Variants in TENM4 observed in about 807,000 individuals in gnomAD.
TENM4 encodes teneurin-4.
Under a neutral mutation model 243.3 loss-of-function variants are expected in TENM4, and 82 were observed. The ratio of observed to expected loss-of-function variants is 0.34; its 90% CI spans 0.28 to 0.40. The LOEUF is 0.40. Among genes scored for constraint, TENM4 ranks in the 10% least tolerant of loss-of-function variants. The pLI, the probability that TENM4 is intolerant of heterozygous loss-of-function variation, is 1.00. For synonymous variants in TENM4, 1,412 were observed against 1,456.3 expected (o/e 0.97, Z 0.69); for missense variants, 3,138 against 3,673.3 (o/e 0.85, Z 3.77).
At chr11:79,164,957 A>G (rs112788787) in intron 3 of TENM4, among the ~76,000 whole-genome samples, 43 of 139,930 alleles carry the variant, frequency 3.1e-4, no homozygotes, top group Middle Eastern at 3.6e-3. Context: ...CTATATATAT[A>G]TGTGTGTGTG....
At chr11:78,873,491 G>A (rs1859190124) in intron 9 of TENM4, among the ~76,000 whole-genome samples, 2 of 152,116 alleles carry the variant, frequency 1.3e-5, no homozygotes, top group Admixed American at 1.3e-4. Context: ...CTTGTCCCAC[G>A]TTACCTTCTA....
chr11:79,398,220 A>G (rs776891190), intron 1 of TENM4, among the ~76,000 whole-genome samples: 2 of 151,672 alleles, frequency 1.3e-5, no homozygotes, highest in Non-Finnish European at 2.9e-5. Context: ...CCTTTAATCT[A>G]GGACAACCCC....
chr11:78,892,534 T>C (rs930995962), intron 7 of TENM4, among the ~76,000 whole-genome samples: 1 of 152,206 alleles, frequency 6.6e-6, no homozygotes, highest in African/African-American at 2.4e-5. Context: ...ATGTTCTTCA[T>C]GTAAAAAGGG....
intron 3 of TENM4, among the ~76,000 whole-genome samples, chr11:79,185,081 T>C (rs1028472285): frequency 1.3e-5 from 2 of 152,128 alleles, no homozygotes; most frequent in Non-Finnish European, 2.9e-5. Context: ...GAGGATCGCT[T>C]GAGCCCAGGA....
At chr11:79,317,117 C>G (rs746948618) in intron 1 of TENM4, among the ~76,000 whole-genome samples, 1 of 152,216 alleles carries the variant, frequency 6.6e-6, no homozygotes, top group Non-Finnish European at 1.5e-5. Context: ...TCCAGGCTAG[C>G]AGTTTATAAA....
intron 6 of TENM4, among the ~76,000 whole-genome samples, chr11:79,034,971 G>C (rs1002005102): frequency 6.6e-6 from 1 of 152,168 alleles, no homozygotes; most frequent in African/African-American, 2.4e-5. Flanking sequence ...AGAGGGCTGG[G>C]GCTAAGGTCC....
At chr11:79,016,400 C>A (rs906019335) in intron 6 of TENM4, among the ~76,000 whole-genome samples, 1 of 152,118 alleles carries the variant, frequency 6.6e-6, no homozygotes, top group Non-Finnish European at 1.5e-5. Context: ...TAGTTTCTAA[C>A]TTGGGCGAGT....
At chr11:79,387,740 C>A (rs915754896) in intron 1 of TENM4, among the ~76,000 whole-genome samples, 1 of 152,214 alleles carries the variant, frequency 6.6e-6, no homozygotes, top group Non-Finnish European at 1.5e-5. Context: ...TGTGGTGGCT[C>A]ATGCCTGTAA....
At chr11:78,950,524 C>T (rs1857089879) in intron 6 of TENM4, among the ~76,000 whole-genome samples, 2 of 152,144 alleles carry the variant, frequency 1.3e-5, no homozygotes, top group Non-Finnish European at 2.9e-5. Context: ...TTGTGAAGAG[C>T]CAGGCACACC....
chr11:79,037,655 T>C lies in TENM4; in HGVS notation c.493+27083A>G, dbSNP rs148260704. 7.0e-3 allele frequency among the ~76,000 whole-genome samples: 1,061 copies of C among 152,310 alleles called. 6 individuals carry two copies. The highest frequency in any genetic ancestry group is 0.011 in the Non-Finnish European group (753 of 68,018). Reference sequence around the variant, plus strand: ...CCATGTCTCAAATTTTCTTTGCTGATGTGTAAGAGACTTTTCTCCATGATT... The same window carrying C: ...CCATGTCTCAAATTTTCTTTGCTGACGTGTAAGAGACTTTTCTCCATGATT... On this transcript the variant is annotated intron_variant, in intron 6 of 33. Coordinates refer to ENST00000278550, the MANE Select transcript of TENM4 (RefSeq NM_001098816.3).
intron 26 of TENM4, 139 bp from the exon 27 acceptor site, chr11:78,708,654 A>C: frequency 1.9e-5 from 20 of 1,027,834 alleles, no homozygotes; most frequent in Non-Finnish European, 2.6e-5. Flanking sequence ...TTCCTCTCTC[A>C]AAGAGGAGGA....
At chr11:79,205,180 G>A (rs770680268) in intron 3 of TENM4, among the ~76,000 whole-genome samples, 3 of 151,996 alleles carry the variant, frequency 2.0e-5, no homozygotes, top group Non-Finnish European at 4.4e-5. Context: ...ATAATTAAGG[G>A]TTCACATGCA....
At chr11:79,129,293 G>A (rs758073922) in intron 4 of TENM4, among the ~76,000 whole-genome samples, 1 of 152,144 alleles carries the variant, frequency 6.6e-6, no homozygotes. Flanking sequence ...GAGGTGGCGG[G>A]GTGGGTTGGG....
intron 6 of TENM4, among the ~76,000 whole-genome samples, chr11:79,009,597 G>A (rs953492061): frequency 2.0e-5 from 3 of 152,130 alleles, no homozygotes; most frequent in African/African-American, 4.8e-5. Flanking sequence ...TGGATCCTGG[G>A]ACCCTGATTT....
At chr11:78,862,576 C>A (rs1215048020) in intron 10 of TENM4, among the ~76,000 whole-genome samples, 1 of 152,024 alleles carries the variant, frequency 6.6e-6, no homozygotes, top group Non-Finnish European at 1.5e-5. Context: ...ATTACAACAC[C>A]CCATCTACCT....
At chr11:79,133,061 A>G (rs1862043462) in intron 4 of TENM4, among the ~76,000 whole-genome samples, 1 of 152,168 alleles carries the variant, frequency 6.6e-6, no homozygotes, top group Non-Finnish European at 1.5e-5. Context: ...ATGAAACAAA[A>G]AGCTTATTTT....
intron 6 of TENM4, among the ~76,000 whole-genome samples, chr11:79,038,646 T>C (rs1057163462): frequency 6.6e-6 from 1 of 152,222 alleles, no homozygotes; most frequent in Non-Finnish European, 1.5e-5. Flanking sequence ...CCTTTTTTTC[T>C]CTTCCGTTTC....
chr11:78,870,485 A>G (rs1297486049), intron 9 of TENM4, among the ~76,000 whole-genome samples: 2 of 152,230 alleles, frequency 1.3e-5, no homozygotes, highest in African/African-American at 4.8e-5. Flanking sequence ...ACTGCCTGTC[A>G]GGATCCCACT....
chr11:78,910,493 A>C (rs774642967), intron 6 of TENM4, among the ~76,000 whole-genome samples: 2 of 152,196 alleles, frequency 1.3e-5, no homozygotes, highest in Non-Finnish European at 2.9e-5. Context: ...GCTCTTTATC[A>C]ACACAGTCAG....
Sources: gnomAD v4.1 joint callset for allele counts (sites outside exome capture counted in the v4.1 genomes callset) on GRCh38, gnomAD v4.1.1 for gene constraint, MANE v1.5 for transcripts, NCBI Gene and HGNC (gene_info 2026-07-23, HGNC 2026-07-21) for gene names.